PDE4D: variants seen among roughly 807,000 people sequenced by gnomAD.
PDE4D encodes the protein 3',5'-cyclic-AMP phosphodiesterase 4D.
Under a neutral mutation model 87.4 loss-of-function variants are expected in PDE4D, and 24 were observed. The observed-to-expected ratio is 0.27, with a 90% CI of 0.20 to 0.39. The LOEUF is 0.39. Ranked by LOEUF, PDE4D falls within the 10% of genes least tolerant of loss-of-function variation. The pLI is 1.00. For synonymous variants in PDE4D, 384 were observed against 383.2 expected (o/e 1.00, Z -0.02); for missense variants, 714 against 1,041.0 (o/e 0.69, Z 4.32).
intron 1 of PDE4D, among the ~76,000 whole-genome samples, chr5:59,511,447 TG>T (rs1363308467): frequency 6.6e-6 from 1 of 151,958 alleles, no homozygotes; most frequent in Non-Finnish European, 1.5e-5. Flanking sequence ...GGTTACATCT[TG>T]GTAGAATCAT....
At chr5:59,066,165 T>C (rs1170007749) in intron 5 of PDE4D, among the ~76,000 whole-genome samples, 1 of 152,140 alleles carries the variant, frequency 6.6e-6, no homozygotes, top group Admixed American at 6.6e-5. Flanking sequence ...ATTCCAGATA[T>C]GCAAAGAGGA....
chr5:60,307,152 GA>G (rs1252854577), intron 1 of PDE4D, among the ~76,000 whole-genome samples: 2 of 151,760 alleles, frequency 1.3e-5, no homozygotes, highest in African/African-American at 4.8e-5. Flanking sequence ...TATATTAAAA[GA>G]AAAAAATTCA....
rs149290057 is a variant in PDE4D, at chr5:60,164,696, G to A, written c.42+20861C>T. 3.7e-3 allele frequency among the ~76,000 whole-genome samples: 559 copies of A among 152,270 alleles called. 2 individuals are homozygous for A. Among genetic ancestry groups the A allele is most frequent in the Admixed American group, 7.2e-3 (110 of 15,302 alleles). On this transcript the variant is annotated intron_variant, in intron 2 of 16. Coordinates refer to the PDE4D transcript ENST00000502484. ...CAAGGAAAATGTGATGGAAATTTTG[G>A]CTCTATTAATTATTCTGGGATTCCT...
At chr5:60,018,279 A>G (rs2152850441) in intron 2 of PDE4D, among the ~76,000 whole-genome samples, 1 of 152,272 alleles carries the variant, frequency 6.6e-6, no homozygotes, top group Middle Eastern at 3.4e-3. Flanking sequence ...AATCCTTTTT[A>G]AACAAGCAAA....
chr5:59,625,128 T>G (rs932280503), intron 1 of PDE4D, among the ~76,000 whole-genome samples: 9 of 152,152 alleles, frequency 5.9e-5, no homozygotes, highest in African/African-American at 1.9e-4. Context: ...TCTAATCACA[T>G]GAGTCCTATA....
At chr5:60,059,890 C>T (rs1400770129) in intron 2 of PDE4D, among the ~76,000 whole-genome samples, 3 of 151,918 alleles carry the variant, frequency 2.0e-5, no homozygotes, top group Non-Finnish European at 2.9e-5. Context: ...GTTCTGATCC[C>T]CCCCAGGAAA....
At chr5:60,106,353 T>C (rs1485905308) in intron 2 of PDE4D, among the ~76,000 whole-genome samples, 1 of 151,578 alleles carries the variant, frequency 6.6e-6, no homozygotes, top group Non-Finnish European at 1.5e-5. Flanking sequence ...CCCAGATTCA[T>C]AAAGCAAGTC....
chr5:60,114,796 C>T (rs1016568858), intron 2 of PDE4D, among the ~76,000 whole-genome samples: 1 of 152,104 alleles, frequency 6.6e-6, no homozygotes, highest in South Asian at 2.1e-4. Flanking sequence ...AATATTACCA[C>T]TTTAAAAATC....
At chr5:59,653,984 TC>T (rs2150251126) in intron 1 of PDE4D, among the ~76,000 whole-genome samples, 1 of 151,882 alleles carries the variant, frequency 6.6e-6, no homozygotes, top group East Asian at 1.9e-4. Flanking sequence ...GGCCTGCAGA[TC>T]CCTTAAGCCC....
intron 1 of PDE4D, among the ~76,000 whole-genome samples, chr5:60,209,646 G>C (rs1274213799): frequency 6.6e-6 from 1 of 151,898 alleles, no homozygotes; most frequent in Non-Finnish European, 1.5e-5. Context: ...CTGAGATAAG[G>C]TTAAGAAGTT....
chr5:59,164,956 G>A (rs542114459), intron 5 of PDE4D: 1 of 152,106 alleles, frequency 6.6e-6, no homozygotes, highest in African/African-American at 2.4e-5. Flanking sequence ...CAATAAATGT[G>A]TGTGGATCAA....
intron 1 of PDE4D, among the ~76,000 whole-genome samples, chr5:59,287,716 CACAG>C (rs1767247387): frequency 1.5e-5 from 2 of 137,808 alleles, no homozygotes; most frequent in South Asian, 2.4e-4. Flanking sequence ...CAGAGACACA[CACAG>C]AGAGAGAGAG....
chr5:59,702,560 A>T (rs1752737912), intron 1 of PDE4D, among the ~76,000 whole-genome samples: 1 of 152,066 alleles, frequency 6.6e-6, no homozygotes, highest in African/African-American at 2.4e-5. Flanking sequence ...CAAAGTTATC[A>T]TTCAAAATGT....
intron 3 of PDE4D, among the ~76,000 whole-genome samples, chr5:59,920,005 C>A (rs1410423253): frequency 6.6e-6 from 1 of 151,998 alleles, no homozygotes. Flanking sequence ...AGTATGAAAT[C>A]TTGAATTGAG....
At chr5:60,168,344 G>A (rs1032005253) in intron 2 of PDE4D, among the ~76,000 whole-genome samples, 3 of 152,166 alleles carry the variant, frequency 2.0e-5, no homozygotes, top group South Asian at 2.1e-4. Flanking sequence ...GACTTTTAAT[G>A]CCTCAGTTTT....
chr5:60,228,146 C>A lies in PDE4D; in HGVS notation c.-89-42459G>T, dbSNP rs142160225. 9.2e-5 allele frequency among the ~76,000 whole-genome samples: 14 copies of A among 152,164 alleles called. No homozygotes were observed. In the East Asian group the frequency reaches 2.5e-3, roughly 27 times the overall value. On this transcript the variant is annotated intron_variant, in intron 1 of 16. Coordinates refer to the PDE4D transcript ENST00000502484. ...ATCCTGACTTCCCTTTCCTAATATT[C>A]ATGTACTCTCGTGGCACCCTATACT...
chr5:59,111,109 A>T (rs1772560169), intron 5 of PDE4D, among the ~76,000 whole-genome samples: 1 of 152,024 alleles, frequency 6.6e-6, no homozygotes, highest in Admixed American at 6.6e-5. Context: ...GGAACAAATG[A>T]CCTCTATCCA....
chr5:59,992,417 C>T (rs1249093107), intron 2 of PDE4D, among the ~76,000 whole-genome samples: 3 of 152,184 alleles, frequency 2.0e-5, no homozygotes, highest in Non-Finnish European at 4.4e-5. Context: ...TTAACAAACT[C>T]CCTTTCACAT....
chr5:60,301,521 G>T (rs554437753), intron 1 of PDE4D, among the ~76,000 whole-genome samples: 3 of 152,144 alleles, frequency 2.0e-5, no homozygotes, highest in Non-Finnish European at 4.4e-5. Context: ...GCCTGCTGTT[G>T]GTGTACAGGA....
Sources: allele counts gnomAD v4.1 joint callset (sites outside exome capture counted in the v4.1 genomes callset), GRCh38; gene constraint gnomAD v4.1.1; transcripts MANE v1.5; gene names NCBI Gene and HGNC (gene_info 2026-07-23, HGNC 2026-07-21).